Variants in LYRM4 observed in about 807,000 individuals in gnomAD.
The protein encoded by LYRM4 is LYR motif-containing protein 4.
In LYRM4, 9 loss-of-function variants were observed where a neutral mutation model predicts 11.7. That is an observed-to-expected ratio of 0.77 (90% confidence interval 0.46 to 1.34). The LOEUF (loss-of-function observed/expected upper bound fraction) is 1.34. Among genes scored for constraint, LYRM4 ranks in the 40% most tolerant of loss-of-function variants. The probability of loss-of-function intolerance (pLI) is 0.00; values close to 1 mark genes in which losing one functional copy is unlikely to be tolerated. For synonymous variants in LYRM4, 42 were observed against 40.4 expected (o/e 1.04, Z -0.15); for missense variants, 133 against 112.5 (o/e 1.18, Z -0.82).
chr6:5,242,175 C>T (rs1399851822), intron 1 of LYRM4, among the ~76,000 whole-genome samples: 2 of 151,302 alleles, frequency 1.3e-5, no homozygotes, highest in Admixed American at 6.6e-5. Flanking sequence ...CTGGTTCAAG[C>T]GATTCTCCTG....
the LYRM4 span, among the ~76,000 whole-genome samples, chr6:5,057,219 G>A: frequency 6.6e-6 from 1 of 152,094 alleles, no homozygotes; most frequent in Admixed American, 6.5e-5. Flanking sequence ...GGAGACCTGG[G>A]GGCCCACGAG....
intron 1 of LYRM4, among the ~76,000 whole-genome samples, chr6:5,241,179 A>ATGGT (rs896383447): frequency 6.6e-6 from 1 of 152,190 alleles, no homozygotes; most frequent in Admixed American, 6.5e-5. Context: ...CCCATGGGAG[A>ATGGT]TGGTTAATAA....
At position 5,152,493 on chromosome 6, in the gene LYRM4, C is replaced by G. The variant is rs141011301; in HGVS notation, c.208-43002G>C. 7.0e-3 allele frequency among the ~76,000 whole-genome samples: 1,056 copies of G among 151,918 alleles called. 16 individuals are homozygous for G. Among genetic ancestry groups the G allele is most frequent in the African/African-American group, 0.024 (1,002 of 41,400 alleles). On this transcript the variant is annotated intron_variant, in intron 2 of 2. Transcript: ENST00000330636. Reference sequence around the variant, plus strand: ...TCTAATATTTTTTTAAAAACTATACCCCATCGTATCTTCTTTGGTGAAAAT... The same window carrying G: ...TCTAATATTTTTTTAAAAACTATACGCCATCGTATCTTCTTTGGTGAAAAT...
At chr6:5,142,874 A>G (rs968916536) in intron 2 of LYRM4, among the ~76,000 whole-genome samples, 2 of 152,198 alleles carry the variant, frequency 1.3e-5, no homozygotes, top group Non-Finnish European at 2.9e-5. Context: ...AGGAGAGCGC[A>G]GCCATCCCCA....
chr6:5,086,782 C>A, the LYRM4 span: 2 of 572,286 alleles, frequency 3.5e-6, no homozygotes, highest in Non-Finnish European at 6.1e-6. Context: ...AGCCTCTGAC[C>A]TCAGTCTTCT....
At chr6:5,144,848 C>T (rs1025440637) in intron 2 of LYRM4, among the ~76,000 whole-genome samples, 4 of 152,144 alleles carry the variant, frequency 2.6e-5, no homozygotes, top group Non-Finnish European at 5.9e-5. Context: ...GCAGGTGTTT[C>T]TGCGAGGCCA....
intron 1 of LYRM4, among the ~76,000 whole-genome samples, chr6:5,239,090 C>A (rs1477836535): frequency 1.3e-5 from 2 of 152,190 alleles, no homozygotes; most frequent in Non-Finnish European, 1.5e-5. Context: ...GAGCAAAGAA[C>A]AGGAGGTAGA....
intron 2 of LYRM4, among the ~76,000 whole-genome samples, chr6:5,123,819 G>A (rs1301441164): frequency 6.6e-6 from 1 of 152,222 alleles, no homozygotes; most frequent in Non-Finnish European, 1.5e-5. Flanking sequence ...GGAAGCCATG[G>A]TCTGTGGTGA....
the LYRM4 span, among the ~76,000 whole-genome samples, chr6:5,070,566 G>C: frequency 2.0e-5 from 3 of 152,098 alleles, no homozygotes; most frequent in Admixed American, 1.3e-4. Flanking sequence ...TTTATCTTCA[G>C]AAATTTTCTC....
chr6:5,114,326 C>T (rs1441345737), intron 2 of LYRM4, among the ~76,000 whole-genome samples: 2 of 152,186 alleles, frequency 1.3e-5, no homozygotes, highest in African/African-American at 4.8e-5. Context: ...CGCCTTATTG[C>T]CAGCTTTCTT....
intron 1 of LYRM4, among the ~76,000 whole-genome samples, chr6:5,237,191 C>T (rs556347237): frequency 2.8e-4 from 43 of 152,248 alleles, no homozygotes; most frequent in Middle Eastern, 3.4e-3. Context: ...AGCAGATGAG[C>T]GAAGCTTCAT....
the LYRM4 span, among the ~76,000 whole-genome samples, chr6:5,062,326 A>G: frequency 6.7e-6 from 1 of 149,090 alleles, no homozygotes; most frequent in African/African-American, 2.4e-5. Context: ...TATAACATAT[A>G]TTAACATATA....
the LYRM4 span, among the ~76,000 whole-genome samples, chr6:5,079,525 C>A: frequency 2.0e-5 from 3 of 152,314 alleles, no homozygotes; most frequent in East Asian, 1.9e-4. Flanking sequence ...GTGTTCTGAT[C>A]CCCTTCAATT....
chr6:5,066,836 C>T, the LYRM4 span: 63 of 793,288 alleles, frequency 7.9e-5, no homozygotes, highest in Non-Finnish European at 9.1e-5. Flanking sequence ...GCCACAGCTG[C>T]GGAGAGGAGT....
the LYRM4 span, among the ~76,000 whole-genome samples, chr6:5,079,868 C>T: frequency 6.0e-4 from 92 of 152,328 alleles, no homozygotes; most frequent in Admixed American, 7.8e-4. Context: ...GAATTTTTCA[C>T]CAATGATTGT....
chr6:5,247,309 G>A (rs145369277), intron 1 of LYRM4, among the ~76,000 whole-genome samples: 257 of 152,294 alleles, frequency 1.7e-3, no homozygotes, highest in African/African-American at 5.8e-3. Context: ...CTAGACTACC[G>A]GATGCAGTGA....
chr6:5,238,743 C>CCAGG (rs1401229166), intron 1 of LYRM4, among the ~76,000 whole-genome samples: 1 of 152,032 alleles, frequency 6.6e-6, no homozygotes, highest in East Asian at 1.9e-4. Flanking sequence ...AAATTTTGAC[C>CCAGG]CAGGGTCAGT....
At chr6:5,238,370 GAC>G (rs1763674162) in intron 1 of LYRM4, among the ~76,000 whole-genome samples, 1 of 152,140 alleles carries the variant, frequency 6.6e-6, no homozygotes. Context: ...GCAGCAAAAT[GAC>G]AGTGTTAAGA....
chr6:5,044,874 T>A, the LYRM4 span, among the ~76,000 whole-genome samples: 2 of 152,238 alleles, frequency 1.3e-5, no homozygotes, highest in African/African-American at 4.8e-5. Flanking sequence ...GCTGCTACTC[T>A]ACAGCCTGCC....
Sources: gnomAD v4.1 joint callset for allele counts (sites outside exome capture counted in the v4.1 genomes callset) on GRCh38, gnomAD v4.1.1 for gene constraint, MANE v1.5 for transcripts, NCBI Gene and HGNC (gene_info 2026-07-23, HGNC 2026-07-21) for gene names.